Variants in HNRNPC observed in about 807,000 individuals in gnomAD.
The protein encoded by HNRNPC is heterogeneous nuclear ribonucleoproteins C1/C2.
A neutral mutation model predicts 33.2 loss-of-function variants in HNRNPC; 3 were observed. The ratio of observed to expected loss-of-function variants is 0.09; its 90% CI spans 0.04 to 0.23. HNRNPC has a LOEUF of 0.23. Ranked by LOEUF, HNRNPC falls within the 10% of genes least tolerant of loss-of-function variation. The pLI, the probability that HNRNPC is intolerant of heterozygous loss-of-function variation, is 1.00. For synonymous variants in HNRNPC, 121 were observed against 126.7 expected (o/e 0.96, Z 0.30); for missense variants, 143 against 366.7 (o/e 0.39, Z 4.98).
intron 4 of HNRNPC, chr14:21,230,587 A>C (rs2139631120): frequency 3.6e-6 from 2 of 548,922 alleles, no homozygotes; most frequent in Non-Finnish European, 3.3e-6. Flanking sequence ...AAATTCGCTA[A>C]GATTTCCACA....
At chr14:21,239,489 T>A (rs1000315944) in intron 2 of HNRNPC, among the ~76,000 whole-genome samples, 1 of 150,872 alleles carries the variant, frequency 6.6e-6, no homozygotes, top group Non-Finnish European at 1.5e-5. Context: ...AAAAAAAAAA[T>A]GTCCTCAACA....
At chr14:21,260,214 A>AT (rs1877975569) in intron 2 of HNRNPC, among the ~76,000 whole-genome samples, 1 of 149,480 alleles carries the variant, frequency 6.7e-6, no homozygotes. Flanking sequence ...AAAAAAAAAA[A>AT]AAATTAGCCG....
At chr14:21,267,363 A>T (rs1879194780) in intron 1 of HNRNPC, among the ~76,000 whole-genome samples, 1 of 152,158 alleles carries the variant, frequency 6.6e-6, no homozygotes, top group Non-Finnish European at 1.5e-5. Context: ...TAGTCTTTAA[A>T]ATTAGAGCAA....
chr14:21,236,429 C>T (rs1042305284), intron 2 of HNRNPC: 3 of 152,162 alleles, frequency 2.0e-5, no homozygotes, highest in African/African-American at 7.2e-5. Context: ...ACTCACAATA[C>T]GGATTAATTC....
At chr14:21,257,086 A>G (rs1356446211) in intron 2 of HNRNPC, among the ~76,000 whole-genome samples, 1 of 152,248 alleles carries the variant, frequency 6.6e-6, no homozygotes, top group African/African-American at 2.4e-5. Flanking sequence ...GACTGGTTTG[A>G]GGCATGAACA....
rs1891779428 is a variant in HNRNPC, at chr14:21,212,946, G to C, written c.523+14C>G. 1.2e-6 allele frequency: 2 copies of C among 1,613,306 alleles called. No homozygotes were observed. Among genetic ancestry groups the C allele is most frequent in the Non-Finnish European group, 1.7e-6 (2 of 1,179,700 alleles). On this transcript the variant is annotated intron_variant, in intron 6 of 8. Coordinates refer to ENST00000553300, the MANE Select transcript of HNRNPC (RefSeq NM_004500.4). ...ACAAGAGATACCAAAATCACAAAAT[G>C]AAATAATACATACACTTTCCAGACT... is the stretch of plus-strand genomic sequence containing the variant.
chr14:21,211,347 T>TC, intron 8 of HNRNPC, 41 bp from the exon 9 acceptor site: 1 of 1,613,424 alleles, frequency 6.2e-7, no homozygotes, highest in East Asian at 2.2e-5. Flanking sequence ...TTAGAGGCAC[T>TC]CCATGTGTCC....
At chr14:21,243,437 A>G (rs1024611463) in intron 2 of HNRNPC, among the ~76,000 whole-genome samples, 1 of 152,186 alleles carries the variant, frequency 6.6e-6, no homozygotes, top group African/African-American at 2.4e-5. Flanking sequence ...GTATGTATAT[A>G]TTGTGTTCAA....
chr14:21,227,265 T>G (rs1893572779), intron 5 of HNRNPC, among the ~76,000 whole-genome samples: 1 of 151,580 alleles, frequency 6.6e-6, no homozygotes, highest in African/African-American at 2.4e-5. Flanking sequence ...ACACACTCAA[T>G]TCCTCAATTC....
chr14:21,249,345 C>A lies in HNRNPC; in HGVS notation c.-37+13966G>T, dbSNP rs532474682. On this transcript the variant is annotated intron_variant, in intron 2 of 8. Coordinates refer to ENST00000553300, the MANE Select transcript of HNRNPC (RefSeq NM_004500.4). ...CTGCCAGCACTCTGGGAGGCCGAGG[C>A]AGGTGGATCACCAGAGGTCAGGAGT... 1.2e-4 allele frequency among the ~76,000 whole-genome samples: 18 copies of A among 150,500 alleles called. No homozygotes were observed. In the East Asian group the frequency reaches 3.3e-3, roughly 28 times the overall value.
Position 21,230,881 on chromosome 14 carries a change from T to G in HNRNPC, c.317+116A>C, listed in dbSNP as rs1342390852. ...AGATAAAACACAGTACACTTAAACC[T>G]CCCCACACCCAGAAAACAGAAAGAG... is the stretch of plus-strand genomic sequence containing the variant. On this transcript the variant is annotated intron_variant, in intron 4 of 8. Transcript: ENST00000553300. The G allele has an allele frequency of 6.8e-6, 8 of 1,181,804 alleles. No homozygotes were observed. The African/African-American group carries it at 1.2e-4, about 18-fold the overall frequency. 73.2% of individuals were successfully genotyped at this position (1,181,804 alleles called of 1,614,324 possible). A position where few individuals can be genotyped will look rare whatever the true frequency, so the allele number is the denominator to read the frequency against.
At position 21,210,469 on chromosome 14, in the gene HNRNPC, C is replaced by G. The variant is rs570008614; in HGVS notation, c.*754G>C. On this transcript the variant is annotated 3_prime_UTR_variant, in exon 9 of 9. Transcript: ENST00000553300. ...CCAAGAAAAATATATCTAGTGCATT[C>G]TAGAGGTTTTGTGGAGGACGCTGTA... 1 of 152,322 alleles carries G rather than the reference C, an allele frequency of 6.6e-6. No individual in the cohort carries two copies. Among genetic ancestry groups the G allele is most frequent in the South Asian group, 2.1e-4 (1 of 4,808 alleles). The allele number at this position is 152,322 out of a possible 1,614,324, so 9.4% of individuals were successfully genotyped here.
At chr14:21,211,368 C>T in intron 8 of HNRNPC, 38 bp downstream of exon 8, 6 of 1,578,276 alleles carry the variant, frequency 3.8e-6, no homozygotes, top group Non-Finnish European at 4.3e-6. Context: ...CTGAGCCCCC[C>T]TCCACCACCT....
chr14:21,212,311 T>C (rs1891703893), intron 6 of HNRNPC, among the ~76,000 whole-genome samples: 2 of 152,016 alleles, frequency 1.3e-5, no homozygotes, highest in African/African-American at 2.4e-5. Flanking sequence ...CCTTCTGTAA[T>C]GTTTTACTGC....
intron 1 of HNRNPC, among the ~76,000 whole-genome samples, chr14:21,268,064 G>C (rs1017097999): frequency 6.6e-6 from 1 of 152,062 alleles, no homozygotes; most frequent in Non-Finnish European, 1.5e-5. Flanking sequence ...AACAGCTTTA[G>C]TTTTTGTGAG....
rs1007826733 is a variant in HNRNPC, at chr14:21,213,102, T to C, written c.381A>G (p.Pro127=). 2 of 1,614,014 alleles carry C rather than the reference T, an allele frequency of 1.2e-6. No individual in the cohort carries two copies. The highest frequency in any genetic ancestry group is 2.7e-5 in the African/African-American group (2 of 74,924). ...RDYYDRMYSY[P]ARVPPPPPIA... is the part of the protein sequence containing the mutation. ...TAGGAGGAGGAGGAGGTACACGTGC[T>C]GGGTAACTGTACATCCTATTGGATA... The change falls in exon 6 of 9, where the codon CCA becomes CCG. Residue 127 remains proline (P), a synonymous_variant. Coordinates refer to ENST00000553300, the MANE Select transcript of HNRNPC (RefSeq NM_004500.4).
intron 2 of HNRNPC, among the ~76,000 whole-genome samples, chr14:21,261,692 T>C (rs1260293540): frequency 6.6e-6 from 1 of 152,020 alleles, no homozygotes. Flanking sequence ...GCCCAGGAGT[T>C]CAAGACCAGC....
At chr14:21,238,268 T>C (rs955130733) in intron 2 of HNRNPC, among the ~76,000 whole-genome samples, 1 of 152,218 alleles carries the variant, frequency 6.6e-6, no homozygotes, top group Non-Finnish European at 1.5e-5. Context: ...AATAGTCTTT[T>C]AAAAATACAA....
At chr14:21,215,909 AAAAGAAAGGAAG>A (rs1220496973) in intron 5 of HNRNPC, among the ~76,000 whole-genome samples, 4 of 149,776 alleles carry the variant, frequency 2.7e-5, no homozygotes, top group Non-Finnish European at 5.9e-5. Context: ...AAAAAAAAAA[AAAAGAAAGGAAG>A]AAAGAAAGAA....
Sources: gnomAD v4.1 joint callset for allele counts (sites outside exome capture counted in the v4.1 genomes callset) on GRCh38, gnomAD v4.1.1 for gene constraint, MANE v1.5 for transcripts, NCBI Gene and HGNC (gene_info 2026-07-23, HGNC 2026-07-21) for gene names.